Variants in STAU2 observed in about 807,000 individuals in gnomAD.
The protein encoded by STAU2 is double-stranded RNA-binding protein Staufen homolog 2.
A neutral mutation model predicts 65.9 loss-of-function variants in STAU2; 20 were observed. The ratio of observed to expected loss-of-function variants is 0.30; its 90% CI spans 0.21 to 0.44. STAU2 has a LOEUF of 0.44. STAU2 is among the 20% of genes least tolerant of loss of function. The pLI is 1.00. For synonymous variants in STAU2, 232 were observed against 233.9 expected, an observed-to-expected ratio of 0.99 and a Z score of 0.07; for missense variants, 558 against 683.9, an observed-to-expected ratio of 0.82 and a Z score of 2.05.
intron 12 of STAU2, among the ~76,000 whole-genome samples, chr8:73,569,817 T>C (rs1808905199): frequency 6.6e-6 from 1 of 152,182 alleles, no homozygotes; most frequent in African/African-American, 2.4e-5. Flanking sequence ...TACGTCACCA[T>C]CATCAAAGAC....
chr8:73,641,671 G>A (rs1814980664), intron 6 of STAU2, among the ~76,000 whole-genome samples: 1 of 152,158 alleles, frequency 6.6e-6, no homozygotes, highest in African/African-American at 2.4e-5. Flanking sequence ...CATAAATTCT[G>A]AGAAGTTCCG....
At chr8:73,732,401 G>T (rs1245166751) in intron 3 of STAU2, among the ~76,000 whole-genome samples, 3 of 152,170 alleles carry the variant, frequency 2.0e-5, no homozygotes, top group Non-Finnish European at 4.4e-5. Context: ...CCTCAATACA[G>T]TGTGTATGGG....
At chr8:73,743,078 T>C (rs1343778148) in intron 1 of STAU2, among the ~76,000 whole-genome samples, 3 of 152,202 alleles carry the variant, frequency 2.0e-5, no homozygotes, top group Non-Finnish European at 4.4e-5. Flanking sequence ...AAAAAAGATA[T>C]ACGGTCCTTT....
At chr8:73,438,291 C>T (rs1449284004) in intron 13 of STAU2, among the ~76,000 whole-genome samples, 1 of 152,250 alleles carries the variant, frequency 6.6e-6, no homozygotes, top group Non-Finnish European at 1.5e-5. Flanking sequence ...CAGTCATCAC[C>T]TTTCCATGGC....
At chr8:73,649,072 C>T (rs1158495974) in intron 6 of STAU2, among the ~76,000 whole-genome samples, 2 of 152,204 alleles carry the variant, frequency 1.3e-5, no homozygotes, top group Non-Finnish European at 2.9e-5. Context: ...TCCCAAAGTG[C>T]TGGGCCACCA....
In STAU2 at chr8:73,603,858, T is replaced by C. The variant is rs748315029; in HGVS notation, c.897A>G (p.Gly299=). ...KKRPKTIVKA[G]PEYGQGMNPI... is the part of the protein sequence containing the mutation. ...GGTTCATCCCTTGGCCATATTCTGGTCCGGCCTAAAAATTAATTTAAGAAA... is the reference window on the plus strand; with the variant it reads ...GGTTCATCCCTTGGCCATATTCTGGCCCGGCCTAAAAATTAATTTAAGAAA... The change falls in exon 10 of 15, where the codon GGA becomes GGG. Residue 299 remains glycine, a synonymous_variant. Transcript: ENST00000524300. 1 of 1,587,036 alleles carries C rather than the reference T, an allele frequency of 6.3e-7. No individual in the cohort carries two copies. The highest frequency in any genetic ancestry group is 1.2e-5 in the South Asian group (1 of 84,976).
chr8:73,521,888 C>G (rs1585924504), intron 13 of STAU2, among the ~76,000 whole-genome samples: 1 of 152,140 alleles, frequency 6.6e-6, no homozygotes, highest in Non-Finnish European at 1.5e-5. Flanking sequence ...GGTAATCTTG[C>G]TTTTGTTGAC....
intron 9 of STAU2, among the ~76,000 whole-genome samples, chr8:73,605,860 CACACACACACACACACAT>C (rs1185628487): frequency 1.3e-3 from 103 of 79,278 alleles, no homozygotes; most frequent in East Asian, 4.7e-3. Flanking sequence ...CACACACACA[CACACACACACACACACAT>C]ACACACACAC....
intron 3 of STAU2, among the ~76,000 whole-genome samples, chr8:73,711,856 T>G (rs1820926604): frequency 6.6e-6 from 1 of 152,124 alleles, no homozygotes; most frequent in South Asian, 2.1e-4. Context: ...AGCTTCAAAA[T>G]TAAAATCAAA....
intron 13 of STAU2, among the ~76,000 whole-genome samples, chr8:73,499,175 G>A (rs1419338135): frequency 6.6e-6 from 1 of 151,728 alleles, no homozygotes; most frequent in Non-Finnish European, 1.5e-5. Context: ...TTTTGCACTT[G>A]CCAGCCCTCA....
intron 13 of STAU2, among the ~76,000 whole-genome samples, chr8:73,479,711 A>ATATGTGTGTGTGTGTGTGTG: frequency 2.2e-5 from 1 of 46,276 alleles, no homozygotes; most frequent in African/African-American, 8.0e-5. Flanking sequence ...ACTTAAATAT[A>ATATGTGTGTGTGTGTGTGTG]CGTGTGTGTG....
In STAU2 at chr8:73,467,750, G is replaced by A. The variant is rs1819738466; in HGVS notation, c.1531-45048C>T. 2.0e-5 allele frequency among the ~76,000 whole-genome samples: 3 copies of A among 152,118 alleles called. No individual in the cohort carries two copies. In the South Asian group the frequency reaches 6.2e-4, roughly 32 times the overall value. ...TAAACAGATCTGGTATTAGAAAAAG[G>A]TGTACCTGTTTCCCCTGTGTCCTTT... On this transcript the variant is annotated intron_variant, in intron 13 of 14. Transcript: ENST00000524300.
At chr8:73,539,717 C>A (rs1052497387) in intron 13 of STAU2, among the ~76,000 whole-genome samples, 1 of 151,948 alleles carries the variant, frequency 6.6e-6, no homozygotes, top group African/African-American at 2.4e-5. Context: ...ATGGTGGGTG[C>A]CTGTAGTCCC....
At chr8:73,532,561 G>C (rs182714878) in intron 13 of STAU2, among the ~76,000 whole-genome samples, 1 of 152,248 alleles carries the variant, frequency 6.6e-6, no homozygotes, top group East Asian at 1.9e-4. Flanking sequence ...CCAGGAGTTT[G>C]AGGTTGCAGT....
At chr8:73,432,068 C>G (rs577137311) in intron 13 of STAU2, among the ~76,000 whole-genome samples, 1 of 151,630 alleles carries the variant, frequency 6.6e-6, no homozygotes, top group African/African-American at 2.4e-5. Context: ...TCCCCACTGA[C>G]GTCATATTCT....
chr8:73,728,058 G>A (rs1805777854), intron 3 of STAU2: 1 of 151,992 alleles, frequency 6.6e-6, no homozygotes, highest in Non-Finnish European at 1.5e-5. Context: ...TTTTTTTGCT[G>A]TTGAGTTGTA....
intron 10 of STAU2, among the ~76,000 whole-genome samples, chr8:73,597,379 G>A (rs1811263672): frequency 6.6e-6 from 1 of 151,816 alleles, no homozygotes; most frequent in Non-Finnish European, 1.5e-5. Context: ...GAGGCCGGGT[G>A]GAGTAGCTCA....
At chr8:73,603,604 AT>A in intron 10 of STAU2, 121 bp downstream of exon 10, 1 of 1,298,498 alleles carries the variant, frequency 7.7e-7, no homozygotes, top group Non-Finnish European at 1.0e-6. Context: ...GACAGAATGA[AT>A]GCTTTAACTG....
In STAU2 at chr8:73,577,446, T is replaced by C. The variant is rs574421587; in HGVS notation, c.1222+5324A>G. ...CATCTCAAAAAAAAAAAAAATTATA[T>C]ATATATATATACACACACATATATA... On this transcript the variant is annotated intron_variant, in intron 12 of 14. Transcript: ENST00000524300. Among the ~76,000 whole-genome samples the C allele has an allele frequency of 5.7e-4, 86 of 149,642 alleles. 1 individual carries two copies. Among genetic ancestry groups the C allele is most frequent in the African/African-American group, 2.0e-3 (81 of 40,940 alleles).
Sources: gnomAD v4.1 joint callset for allele counts (sites outside exome capture counted in the v4.1 genomes callset) on GRCh38, gnomAD v4.1.1 for gene constraint, MANE v1.5 for transcripts, NCBI Gene and HGNC (gene_info 2026-07-23, HGNC 2026-07-21) for gene names.